RGS9: variants seen among roughly 807,000 people sequenced by gnomAD.
RGS9 encodes the protein regulator of G-protein signalling 9.
Under a neutral mutation model 102.0 loss-of-function variants are expected in RGS9, and 78 were observed. That is an observed-to-expected ratio of 0.76 (90% CI 0.64 to 0.92). RGS9 has a LOEUF of 0.92. Among genes scored for constraint, RGS9 ranks in the 40% least tolerant of loss-of-function variants. The pLI is 0.00. For synonymous variants in RGS9, 353 were observed against 318.6 expected (o/e 1.11, Z -1.15); for missense variants, 833 against 866.1 (o/e 0.96, Z 0.48).
chr17:65,197,037 G>A, intron 12 of RGS9, 89 bp from the exon 13 acceptor site: 1 of 800,234 alleles, frequency 1.2e-6, no homozygotes, highest in South Asian at 1.4e-5. Flanking sequence ...TGAGCCCTGG[G>A]CCATGAGACT....
intron 8 of RGS9, among the ~76,000 whole-genome samples, chr17:65,170,955 C>T (rs1017073914): frequency 3.9e-5 from 6 of 152,118 alleles, no homozygotes; most frequent in African/African-American, 7.2e-5. Flanking sequence ...AGAAATTGAG[C>T]AATCTGACTG....
intron 8 of RGS9, among the ~76,000 whole-genome samples, chr17:65,169,547 C>T (rs949739937): frequency 3.3e-5 from 5 of 152,236 alleles, no homozygotes; most frequent in Admixed American, 6.5e-5. Context: ...TTTGGCAAGA[C>T]ACCTTGGTGC....
intron 15 of RGS9, among the ~76,000 whole-genome samples, chr17:65,204,825 C>A (rs142148137): frequency 6.6e-6 from 1 of 152,302 alleles, no homozygotes; most frequent in East Asian, 1.9e-4. Context: ...CAAAGACAGC[C>A]CACAAGTTAG....
chr17:65,201,636 G>C (rs1912849956), intron 13 of RGS9, among the ~76,000 whole-genome samples: 1 of 152,210 alleles, frequency 6.6e-6, no homozygotes, highest in Non-Finnish European at 1.5e-5. Context: ...CAACCTCTGG[G>C]GGGTGATATG....
intron 9 of RGS9, 63 bp from the exon 10 acceptor site, chr17:65,189,222 TG>T (rs1912259573): frequency 1.5e-6 from 2 of 1,349,446 alleles, no homozygotes; most frequent in Non-Finnish European, 2.1e-6. Context: ...ATTTTTCAAA[TG>T]GGTGTTTGAA....
At chr17:65,213,366 G>A (rs1002985190) in intron 17 of RGS9, among the ~76,000 whole-genome samples, 6 of 152,136 alleles carry the variant, frequency 3.9e-5, no homozygotes, top group Non-Finnish European at 8.8e-5. Context: ...CAACTTCTGG[G>A]GGAACGTGTT....
At chr17:65,142,574 CTT>C (rs745663576) in intron 1 of RGS9, among the ~76,000 whole-genome samples, 9,027 of 137,674 alleles carry the variant, frequency 0.066, 392 homozygotes, top group African/African-American at 0.16. Context: ...CCCTTCCTTT[CTT>C]TTTTTTTTTT....
At chr17:65,167,136 T>C (rs1359779236) in intron 7 of RGS9, among the ~76,000 whole-genome samples, 2 of 152,214 alleles carry the variant, frequency 1.3e-5, no homozygotes, top group Admixed American at 1.3e-4. Flanking sequence ...CTGCGTCATT[T>C]CCCATCCAGA....
chr17:65,225,642 A>G, intron 18 of RGS9, 156 bp downstream of exon 18: 1 of 1,053,652 alleles, frequency 9.5e-7, no homozygotes, highest in Non-Finnish European at 1.4e-6. Flanking sequence ...GAAGATATTC[A>G]GAAACTCAGT....
chr17:65,197,751 C>A (rs551909571), intron 13 of RGS9, among the ~76,000 whole-genome samples: 2 of 151,894 alleles, frequency 1.3e-5, no homozygotes, highest in African/African-American at 2.4e-5. Flanking sequence ...CTCACTGCAA[C>A]CTCCGCCTCC....
chr17:65,207,728 T>G (rs984871403), intron 15 of RGS9, among the ~76,000 whole-genome samples, 194 bp from the exon 16 acceptor site: 1 of 152,020 alleles, frequency 6.6e-6, no homozygotes, highest in African/African-American at 2.4e-5. Context: ...CCAGGTGAAA[T>G]TGATGCTTCT....
chr17:65,203,713 C>T (rs80305110), intron 14 of RGS9, among the ~76,000 whole-genome samples: 4,360 of 152,160 alleles, frequency 0.029, 209 homozygotes, highest in African/African-American at 0.096. Context: ...GGCTGCCTCT[C>T]GACACAGCAT....
Position 65,150,486 on chromosome 17 carries a change from G to T in RGS9, c.58-2936G>T, listed in dbSNP as rs191969906. ...AAAATACAAAAATTAGCTGGGCGTG[G>T]TGGCGGGCACCTGTAATCCCAGCTA... On this transcript the variant is annotated intron_variant, in intron 1 of 18. Transcript: ENST00000262406. Among the ~76,000 whole-genome samples the T allele has an allele frequency of 1.8e-4, 27 of 152,196 alleles. No homozygotes were observed. In the East Asian group the frequency reaches 4.1e-3, roughly 23 times the overall value.
chr17:65,190,623 C>T (rs1912331681), intron 11 of RGS9, among the ~76,000 whole-genome samples: 1 of 152,098 alleles, frequency 6.6e-6, no homozygotes, highest in African/African-American at 2.4e-5. Flanking sequence ...TTACTGGTTC[C>T]ATGTGCTACT....
intron 2 of RGS9, among the ~76,000 whole-genome samples, chr17:65,156,864 A>G (rs1910787655): frequency 6.6e-6 from 1 of 152,184 alleles, no homozygotes; most frequent in South Asian, 2.1e-4. Flanking sequence ...TTGAACAGCC[A>G]TCCAGGAGTG....
intron 17 of RGS9, among the ~76,000 whole-genome samples, chr17:65,215,960 A>T (rs1261767193): frequency 6.6e-6 from 1 of 152,120 alleles, no homozygotes; most frequent in Non-Finnish European, 1.5e-5. Flanking sequence ...ACTGACACAG[A>T]GGGTATCAGG....
intron 14 of RGS9, among the ~76,000 whole-genome samples, 181 bp downstream of exon 14, chr17:65,202,261 G>T (rs1006709955): frequency 6.6e-6 from 1 of 152,044 alleles, no homozygotes; most frequent in African/African-American, 2.4e-5. Context: ...GGAGGTTTGG[G>T]GGTTCCCTGA....
In RGS9 at chr17:65,179,608, C is replaced by T. The variant is rs897643175; in HGVS notation, c.654+1805C>T. 2.7e-5 allele frequency among the ~76,000 whole-genome samples: 4 copies of T among 149,934 alleles called. No individual in the cohort carries two copies. In the South Asian group the frequency reaches 6.3e-4, roughly 24 times the overall value. On this transcript the variant is annotated intron_variant, in intron 9 of 18. Coordinates refer to ENST00000262406, the MANE Select transcript of RGS9 (RefSeq NM_003835.4). ...GGGTGGGAACAAAGGGTCACCCATC[C>T]GTGACCCAAGCCAGGATACTGCTCA... is the stretch of plus-strand genomic sequence containing the variant.
chr17:65,160,259 G>C lies in RGS9; in HGVS notation c.232G>C (p.Val78Leu), dbSNP rs570825977. 1.9e-6 allele frequency: 3 copies of C among 1,614,030 alleles called. No individual in the cohort carries two copies. The highest frequency in any genetic ancestry group is 4.5e-5 in the East Asian group (2 of 44,886). Residue 78 changes from valine to leucine, a missense_variant, in exon 4 of 19, where the codon GTC becomes CTC. Coordinates refer to ENST00000262406, the MANE Select transcript of RGS9 (RefSeq NM_003835.4). Reference sequence around the variant, plus strand: ...GGCACAGAACTTGGGCAACTTTATTGTCAGGTATGGCTACATTTACCCCCT... The same window carrying C: ...GGCACAGAACTTGGGCAACTTTATTCTCAGGTATGGCTACATTTACCCCCT... ...LEAQNLGNFI[V>L]RYGYIYPLQD...
Sources: gnomAD v4.1 joint callset for allele counts (sites outside exome capture counted in the v4.1 genomes callset) on GRCh38, gnomAD v4.1.1 for gene constraint, MANE v1.5 for transcripts, NCBI Gene and HGNC (gene_info 2026-07-23, HGNC 2026-07-21) for gene names.